ANKRD30A: variants seen among roughly 807,000 people sequenced by gnomAD.
ANKRD30A encodes the protein ankyrin repeat domain-containing protein 30A.
Under a neutral mutation model 166.3 loss-of-function variants are expected in ANKRD30A, and 170 were observed. The observed-to-expected ratio is 1.02, with a 90% confidence interval of 0.90 to 1.16. The LOEUF is 1.16. ANKRD30A is among the 50% of genes most tolerant of loss of function. The probability of loss-of-function intolerance (pLI) is 0.00; values close to 1 mark genes in which losing one functional copy is unlikely to be tolerated. For missense variants in ANKRD30A, 1,630 were observed against 1,518.0 expected, an observed-to-expected ratio of 1.07 and a Z score of -1.23; for synonymous variants, 564 against 508.9, an observed-to-expected ratio of 1.11 and a Z score of -1.46.
intron 25 of ANKRD30A, among the ~76,000 whole-genome samples, chr10:37,191,855 C>T (rs1478600665): frequency 3.3e-5 from 5 of 151,794 alleles, no homozygotes; most frequent in East Asian, 1.9e-4. Context: ...ATCAGCCGGG[C>T]GTGGTGGTGG....
At chr10:37,259,482 C>A in the ANKRD30A span, among the ~76,000 whole-genome samples, 1 of 152,010 alleles carries the variant, frequency 6.6e-6, no homozygotes, top group Non-Finnish European at 1.5e-5. Flanking sequence ...ATTTTAAGAC[C>A]CAGCAATTTC....
intron 13 of ANKRD30A, among the ~76,000 whole-genome samples, chr10:37,157,409 A>G (rs938652157): frequency 6.6e-6 from 1 of 152,214 alleles, no homozygotes; most frequent in Non-Finnish European, 1.5e-5. Flanking sequence ...TCTGTCATCC[A>G]GGCTGGAGTG....
intron 31 of ANKRD30A, among the ~76,000 whole-genome samples, chr10:37,206,508 G>C (rs1047065482): frequency 1.6e-4 from 25 of 152,104 alleles, no homozygotes; most frequent in African/African-American, 5.3e-4. Context: ...TCTGTTAGAA[G>C]GCTGGGCCCG....
chr10:37,233,275 AAG>A (rs987200406), downstream of ANKRD30A, among the ~76,000 whole-genome samples: 1 of 152,206 alleles, frequency 6.6e-6, no homozygotes, highest in East Asian at 1.9e-4. Context: ...TTTCTGGAAA[AAG>A]AGTGATATGG....
intron 8 of ANKRD30A, among the ~76,000 whole-genome samples, chr10:37,146,318 C>T (rs1381929631): frequency 6.6e-6 from 1 of 152,240 alleles, no homozygotes; most frequent in African/African-American, 2.4e-5. Flanking sequence ...CTAAATAAAG[C>T]AGCTTCTACA....
rs751991070 is a variant in ANKRD30A at position 37,132,255 on chromosome 10, C to T, written c.526C>T (p.Leu176Phe). 2.5e-6 allele frequency: 4 copies of T among 1,594,368 alleles called. No individual in the cohort carries two copies. In the Admixed American group the frequency reaches 7.1e-5, roughly 28 times the overall value. The change falls in exon 4 of 36, where the codon CTT (leucine) becomes TTT (phenylalanine). Residue 176 changes from leucine (L) to phenylalanine (F), a missense_variant. By Grantham distance (22) the Leu-to-Phe change is conservative (BLOSUM62 0). Around this residue, in one of 4 missense-constraint regions of ANKRD30A, gnomAD observed 904 missense variants for 818.5 expected, o/e 1.10. Transcript: ENST00000361713. ...TATTTTACAGGCTAGCCTCACACCA[C>T]TTTTACTATCCATAACGAAAAGAAG... The part of the protein sequence containing the change: ...EVHNKASLTP[L>F]LLSITKRSEQ...
chr10:37,131,267 T>A (rs561479977), intron 3 of ANKRD30A, among the ~76,000 whole-genome samples: 1 of 152,310 alleles, frequency 6.6e-6, no homozygotes, highest in East Asian at 1.9e-4. Flanking sequence ...TAAGCCATTT[T>A]ATTAATATTT....
chr10:37,151,604 T>G (rs1004595652), intron 11 of ANKRD30A, among the ~76,000 whole-genome samples: 3 of 152,084 alleles, frequency 2.0e-5, no homozygotes, highest in Non-Finnish European at 4.4e-5. Context: ...AAGTTAATAC[T>G]CCTAAAAAAT....
chr10:37,249,629 G>T, the ANKRD30A span, among the ~76,000 whole-genome samples: 1 of 152,104 alleles, frequency 6.6e-6, no homozygotes, highest in Non-Finnish European at 1.5e-5. Context: ...TTTAAGCTGG[G>T]CTTTAACAGT....
At chr10:37,133,569 T>G (rs1836501852) in intron 4 of ANKRD30A, among the ~76,000 whole-genome samples, 1 of 152,346 alleles carries the variant, frequency 6.6e-6, no homozygotes, top group South Asian at 2.1e-4. Context: ...TTGCTGTCAC[T>G]TGTCTGACTT....
chr10:37,149,809 T>C lies in ANKRD30A; in HGVS notation c.1605T>C (p.Asn535=). ...TTGAAATGCAAAACTCTGTTCCAAA[T>C]AAAGCCTTTGAATTGAAGAATGAAC... ...PAIEMQNSVP[N]KAFELKNEQT... Residue 535 remains asparagine, a synonymous_variant, in exon 11 of 36, where the codon AAT becomes AAC. Transcript: ENST00000361713. The C allele has an allele frequency of 1.2e-6, 2 of 1,612,924 alleles. No individual in the cohort carries two copies.
At chr10:37,158,474 T>C (rs1588824849) in intron 14 of ANKRD30A, 40 bp from the exon 15 acceptor site, 6 of 1,613,176 alleles carry the variant, frequency 3.7e-6, no homozygotes, top group Non-Finnish European at 4.2e-6. Flanking sequence ...TTATGAAGTA[T>C]ACATTGTATA....
intron 30 of ANKRD30A, among the ~76,000 whole-genome samples, chr10:37,200,712 CTTGT>C (rs1222340682): frequency 6.6e-6 from 1 of 151,970 alleles, no homozygotes; most frequent in Non-Finnish European, 1.5e-5. Context: ...ATTTTAAGCC[CTTGT>C]TTATCAAAAT....
At chr10:37,194,671 T>G (rs1208296699) in intron 27 of ANKRD30A, among the ~76,000 whole-genome samples, 1 of 152,170 alleles carries the variant, frequency 6.6e-6, no homozygotes, top group Non-Finnish European at 1.5e-5. Flanking sequence ...AATAAATAGT[T>G]GTACACTGTA....
intron 25 of ANKRD30A, among the ~76,000 whole-genome samples, 165 bp from the exon 26 acceptor site, chr10:37,192,899 G>A (rs1366815184): frequency 1.3e-5 from 2 of 152,092 alleles, no homozygotes; most frequent in African/African-American, 2.4e-5. Context: ...TTTCTGTCAC[G>A]TTGGCATGAT....
intron 31 of ANKRD30A, among the ~76,000 whole-genome samples, chr10:37,212,590 C>T (rs958119558): frequency 6.6e-6 from 1 of 151,906 alleles, no homozygotes; most frequent in African/African-American, 2.4e-5. Flanking sequence ...AACAAAGCTG[C>T]AGGCATCACG....
chr10:37,251,431 C>T, the ANKRD30A span, among the ~76,000 whole-genome samples: 1 of 152,112 alleles, frequency 6.6e-6, no homozygotes, highest in South Asian at 2.1e-4. Flanking sequence ...AGCCAAAGGA[C>T]CCTTGTCTAA....
chr10:37,226,196 T>G (rs1049056694), intron 34 of ANKRD30A, among the ~76,000 whole-genome samples: 12 of 151,288 alleles, frequency 7.9e-5, no homozygotes, highest in Non-Finnish European at 1.6e-4. Flanking sequence ...CATGTTGGTG[T>G]GCTGCACCCA....
chr10:37,194,566 G>A (rs926551192), intron 27 of ANKRD30A, among the ~76,000 whole-genome samples: 10 of 151,896 alleles, frequency 6.6e-5, no homozygotes, highest in African/African-American at 2.2e-4. Flanking sequence ...GGTCTGATCC[G>A]GATCTCCTGA....
Sources: allele counts gnomAD v4.1 joint callset (sites outside exome capture counted in the v4.1 genomes callset), GRCh38; gene constraint gnomAD v4.1.1; regional missense constraint gnomAD v4.1.1; transcripts MANE v1.5; gene names NCBI Gene and HGNC (gene_info 2026-07-23, HGNC 2026-07-21).